SEMA6D: variants seen among roughly 807,000 people sequenced by gnomAD.
SEMA6D encodes the protein semaphorin 6D.
SEMA6D carries 35 observed loss-of-function variants against 106.6 expected under a neutral mutation model. The observed-to-expected ratio is 0.33, with a 90% CI of 0.25 to 0.44. The LOEUF (loss-of-function observed/expected upper bound fraction) is 0.44, where lower values mean the gene tolerates loss of function less well. Among genes scored for constraint, SEMA6D ranks in the 20% least tolerant of loss-of-function variants. The pLI, the probability that SEMA6D is intolerant of heterozygous loss-of-function variation, is 1.00. For missense variants in SEMA6D, 1,185 were observed against 1,345.9 expected (o/e 0.88, Z 1.87); for synonymous variants, 499 against 487.7 (o/e 1.02, Z -0.31).
At chr15:47,408,547 A>G (rs185200932) in intron 1 of SEMA6D, among the ~76,000 whole-genome samples, 1 of 152,350 alleles carries the variant, frequency 6.6e-6, no homozygotes, top group Admixed American at 6.5e-5. Context: ...TTCCACTTCC[A>G]GTGCTATAAC....
chr15:47,296,176 G>A (rs1269868625), intron 1 of SEMA6D, among the ~76,000 whole-genome samples: 1 of 152,196 alleles, frequency 6.6e-6, no homozygotes, highest in Non-Finnish European at 1.5e-5. Flanking sequence ...TTACCTGGTT[G>A]TTTATGTGTA....
intron 1 of SEMA6D, among the ~76,000 whole-genome samples, chr15:47,361,266 G>A (rs987826150): frequency 2.0e-5 from 3 of 152,090 alleles, no homozygotes; most frequent in African/African-American, 4.8e-5. Context: ...CTCTGATAAC[G>A]CCATGGTTTC....
chr15:47,367,501 A>C (rs2039076153), intron 1 of SEMA6D, among the ~76,000 whole-genome samples: 1 of 152,116 alleles, frequency 6.6e-6, no homozygotes, highest in South Asian at 2.1e-4. Flanking sequence ...ATACTCAGCT[A>C]TGGGGCATTT....
intron 1 of SEMA6D, among the ~76,000 whole-genome samples, chr15:47,412,101 A>G (rs2040818371): frequency 6.6e-6 from 1 of 152,034 alleles, no homozygotes; most frequent in African/African-American, 2.4e-5. Context: ...GCAGTTTATT[A>G]AAACTCCCTA....
intron 4 of SEMA6D, among the ~76,000 whole-genome samples, chr15:47,653,331 TAG>T (rs1219122763): frequency 6.6e-6 from 1 of 152,184 alleles, no homozygotes; most frequent in Non-Finnish European, 1.5e-5. Context: ...CGGGAAATAA[TAG>T]AGACTCTTCA....
intron 4 of SEMA6D, among the ~76,000 whole-genome samples, chr15:47,621,646 A>C (rs901439782): frequency 6.6e-6 from 1 of 152,060 alleles, no homozygotes; most frequent in African/African-American, 2.4e-5. Flanking sequence ...AAAGTGGTAA[A>C]GGTCTTCCTC....
At chr15:47,740,811 A>AT (rs2080765418) in intron 1 of SEMA6D, among the ~76,000 whole-genome samples, 1 of 152,068 alleles carries the variant, frequency 6.6e-6, no homozygotes, top group African/African-American at 2.4e-5. Flanking sequence ...CAAAGGCTTG[A>AT]TGTTAGGTCT....
intron 2 of SEMA6D, among the ~76,000 whole-genome samples, chr15:47,449,241 C>G (rs886160401): frequency 6.6e-6 from 1 of 151,916 alleles, no homozygotes; most frequent in African/African-American, 2.4e-5. Flanking sequence ...TACCAATATT[C>G]AATATATGTA....
Position 47,228,462 on chromosome 15 carries a change from C to A in SEMA6D, c.-239+44044C>A, listed in dbSNP as rs1160580670. Among the ~76,000 whole-genome samples, 9 of 74,812 alleles carry A rather than the reference C, an allele frequency of 1.2e-4. No individual in the cohort carries two copies. In the Admixed American group the frequency reaches 1.6e-3, roughly 13 times the overall value. The allele number at this position is 74,812 out of a possible 152,430, so 49.1% of individuals were successfully genotyped here. A position where few individuals can be genotyped will look rare whatever the true frequency, so the allele number is the denominator to read the frequency against. ...ATAGCTCTGTCCCAGAACCAATAAG[C>A]CTTGGTAAATGTTTGTTTATCTCTT... On this transcript the variant is annotated intron_variant, in intron 1 of 19. Coordinates refer to the SEMA6D transcript ENST00000558014.
chr15:47,736,897 A>G (rs2080475618), intron 1 of SEMA6D, among the ~76,000 whole-genome samples: 1 of 152,180 alleles, frequency 6.6e-6, no homozygotes, highest in Non-Finnish European at 1.5e-5. Context: ...GTAATTCTTA[A>G]CTTTTAATAC....
At chr15:47,584,628 G>C (rs976009686) in intron 3 of SEMA6D, among the ~76,000 whole-genome samples, 4 of 152,036 alleles carry the variant, frequency 2.6e-5, no homozygotes, top group Non-Finnish European at 4.4e-5. Context: ...TTTATTTTTG[G>C]TATCTTTTGT....
upstream of SEMA6D, among the ~76,000 whole-genome samples, chr15:47,715,998 C>T (rs1452818168): frequency 6.6e-6 from 1 of 152,138 alleles, no homozygotes; most frequent in Non-Finnish European, 1.5e-5. Context: ...CTTTCTGGGT[C>T]AGAAGTTGGC....
At chr15:47,686,267 A>C (rs1371271540) in intron 4 of SEMA6D, among the ~76,000 whole-genome samples, 1 of 152,202 alleles carries the variant, frequency 6.6e-6, no homozygotes, top group East Asian at 1.9e-4. Flanking sequence ...AGAAAAAAAA[A>C]ACTTTAAATA....
intron 7 of SEMA6D, 105 bp downstream of exon 7, chr15:47,761,856 C>G (rs1416801818): frequency 3.0e-6 from 3 of 997,292 alleles, no homozygotes. Flanking sequence ...CCACCTTGAT[C>G]TAAGTGTTCG....
intron 4 of SEMA6D, among the ~76,000 whole-genome samples, chr15:47,622,803 G>T (rs190204208): frequency 4.5e-4 from 68 of 152,272 alleles, no homozygotes; most frequent in African/African-American, 1.4e-3. Context: ...GGCGTGCAGG[G>T]GTTGGTATTG....
chr15:47,450,026 C>CTTTTGTACA (rs1186220915), intron 2 of SEMA6D, among the ~76,000 whole-genome samples: 1 of 152,026 alleles, frequency 6.6e-6, no homozygotes, highest in African/African-American at 2.4e-5. Context: ...AGCGGCTGAC[C>CTTTTGTACA]TTTTGTACAT....
chr15:47,453,125 A>C (rs1380310766), intron 2 of SEMA6D, among the ~76,000 whole-genome samples: 1 of 151,978 alleles, frequency 6.6e-6, no homozygotes, highest in African/African-American at 2.4e-5. Flanking sequence ...TGCTTTCTCA[A>C]CTTTGTTCAG....
chr15:47,265,864 A>G (rs1445052740), intron 1 of SEMA6D, among the ~76,000 whole-genome samples: 1 of 152,102 alleles, frequency 6.6e-6, no homozygotes, highest in Admixed American at 6.6e-5. Context: ...CTTGCTCCTC[A>G]GAGAGTGCAA....
chr15:47,264,386 T>C (rs2034219227), intron 1 of SEMA6D, among the ~76,000 whole-genome samples: 1 of 151,968 alleles, frequency 6.6e-6, no homozygotes, highest in Non-Finnish European at 1.5e-5. Flanking sequence ...GGGACTTGTA[T>C]TTTAATTTCT....
Sources: gnomAD v4.1 joint callset for allele counts (sites outside exome capture counted in the v4.1 genomes callset) on GRCh38, gnomAD v4.1.1 for gene constraint, MANE v1.5 for transcripts, NCBI Gene and HGNC (gene_info 2026-07-23, HGNC 2026-07-21) for gene names.